Variants in ERBB4 observed in about 807,000 individuals in gnomAD.
ERBB4 encodes erb-b2 receptor tyrosine kinase 4.
Under a neutral mutation model 158.0 loss-of-function variants are expected in ERBB4, and 42 were observed. The ratio of observed to expected loss-of-function variants is 0.27; its 90% CI spans 0.21 to 0.34. The LOEUF is 0.34. Ranked by LOEUF, ERBB4 falls within the 10% of genes least tolerant of loss-of-function variation. The probability of loss-of-function intolerance (pLI) is 1.00; values close to 1 mark genes in which losing one functional copy is unlikely to be tolerated. For synonymous variants in ERBB4, 583 were observed against 558.7 expected, an observed-to-expected ratio of 1.04 and a Z score of -0.61; for missense variants, 1,333 against 1,624.1, an observed-to-expected ratio of 0.82 and a Z score of 3.08.
Position 212,538,562 on chromosome 2 carries a change from T to G in ERBB4, c.-32A>C. ...GAAGTCTCAGATCCCGTGCTGACAA[T>G]TACATGTCCAAATGGCATATCCCCC... On this transcript the variant is annotated 5_prime_UTR_variant, in exon 1 of 28. The change abolishes the stop of an existing upstream ORF in the 5' untranslated region. Coordinates refer to ENST00000342788, the MANE Select transcript of ERBB4 (RefSeq NM_005235.3). 6.3e-7 allele frequency: 1 copy of G among 1,595,588 alleles called. No individual in the cohort carries two copies. Among genetic ancestry groups the G allele is most frequent in the South Asian group, 1.1e-5 (1 of 90,708 alleles).
chr2:212,022,640 C>T (rs561103111), intron 2 of ERBB4, among the ~76,000 whole-genome samples: 4 of 152,112 alleles, frequency 2.6e-5, no homozygotes, highest in African/African-American at 9.6e-5. Context: ...CACACATTTA[C>T]CTATGTAACA....
intron 16 of ERBB4, among the ~76,000 whole-genome samples, chr2:211,642,655 CAT>C (rs1490148028): frequency 4.6e-5 from 7 of 152,114 alleles, no homozygotes; most frequent in Non-Finnish European, 8.8e-5. Flanking sequence ...CAAACACTTT[CAT>C]ATGTTTTAGA....
chr2:212,263,881 T>C (rs2085034942), intron 1 of ERBB4, among the ~76,000 whole-genome samples: 1 of 151,828 alleles, frequency 6.6e-6, no homozygotes, highest in Non-Finnish European at 1.5e-5. Context: ...AATAATAATA[T>C]TAAATATTAA....
At chr2:212,241,201 G>A (rs1336833764) in intron 1 of ERBB4, among the ~76,000 whole-genome samples, 2 of 151,926 alleles carry the variant, frequency 1.3e-5, no homozygotes, top group Non-Finnish European at 2.9e-5. Flanking sequence ...AGGCTGCAGC[G>A]GGCTATGATC....
At chr2:212,325,872 T>C (rs1421547407) in intron 1 of ERBB4, among the ~76,000 whole-genome samples, 2 of 150,628 alleles carry the variant, frequency 1.3e-5, no homozygotes, top group Non-Finnish European at 3.0e-5. Context: ...ATTTTTTCCA[T>C]ATTATTTTCC....
intron 1 of ERBB4, among the ~76,000 whole-genome samples, chr2:212,241,012 G>T (rs1489328871): frequency 6.6e-6 from 1 of 152,116 alleles, no homozygotes; most frequent in African/African-American, 2.4e-5. Context: ...GCATTTGAAT[G>T]CTTTCTTGAA....
At chr2:211,485,713 TG>T (rs1328009932) in intron 20 of ERBB4, among the ~76,000 whole-genome samples, 1 of 105,460 alleles carries the variant, frequency 9.5e-6, no homozygotes, top group Non-Finnish European at 1.9e-5. Context: ...CTCAGTGGGG[TG>T]GGGGGAGGGG....
At chr2:212,172,412 GGGAATATACCC>G (rs2081545371) in intron 1 of ERBB4, among the ~76,000 whole-genome samples, 1 of 152,100 alleles carries the variant, frequency 6.6e-6, no homozygotes. Context: ...TCCCATTACT[GGGAATATACCC>G]AAAGGACTAT....
intron 19 of ERBB4, among the ~76,000 whole-genome samples, chr2:211,613,875 C>G (rs1559349304): frequency 6.6e-6 from 1 of 151,980 alleles, no homozygotes; most frequent in East Asian, 1.9e-4. Flanking sequence ...CCTCAAAAAA[C>G]TAAAAATTGA....
chr2:211,714,742 T>G (rs749516027), intron 7 of ERBB4, among the ~76,000 whole-genome samples: 6 of 152,188 alleles, frequency 3.9e-5, no homozygotes, highest in Non-Finnish European at 8.8e-5. Context: ...TTGCCTATCA[T>G]GAACAGGGTT....
rs1553575753 is a variant in ERBB4 at position 211,580,801 on chromosome 2, T to TATA, written c.2302-18716_2302-18714dup. ...AAAGAAATTGTGATATATATATATA[T>TATA]ATATATATATAATATATATATATTA... On this transcript the variant is annotated intron_variant, in intron 19 of 27. Coordinates refer to ENST00000342788, the MANE Select transcript of ERBB4 (RefSeq NM_005235.3). Among the ~76,000 whole-genome samples, 10 of 28,466 alleles carry TATA rather than the reference T, an allele frequency of 3.5e-4. No homozygotes were observed. The South Asian group carries it at 5.6e-3, about 16-fold the overall frequency. 18.7% of individuals were successfully genotyped at this position (28,466 alleles called of 152,430 possible).
intron 1 of ERBB4, among the ~76,000 whole-genome samples, chr2:212,234,053 G>T (rs2083762840): frequency 6.6e-6 from 1 of 151,298 alleles, no homozygotes; most frequent in African/African-American, 2.4e-5. Context: ...TGTTACATAG[G>T]TATACACATG....
chr2:212,017,457 T>A (rs2076554112), intron 2 of ERBB4, among the ~76,000 whole-genome samples: 1 of 152,080 alleles, frequency 6.6e-6, no homozygotes, highest in Admixed American at 6.5e-5. Context: ...CCCTGGAACA[T>A]AATGTAATAA....
intron 1 of ERBB4, among the ~76,000 whole-genome samples, chr2:212,244,943 G>T (rs2084256115): frequency 2.6e-5 from 4 of 152,082 alleles, no homozygotes; most frequent in Admixed American, 2.6e-4. Context: ...ACAACCCAAT[G>T]AAGTTGGGTT....
At chr2:211,858,580 C>T (rs551672165) in intron 3 of ERBB4, among the ~76,000 whole-genome samples, 1 of 117,628 alleles carries the variant, frequency 8.5e-6, no homozygotes, top group African/African-American at 3.0e-5. Context: ...AATCATGGCT[C>T]ACAAAAAGCC....
intron 20 of ERBB4, among the ~76,000 whole-genome samples, chr2:211,436,547 G>A (rs916979156): frequency 9.9e-5 from 15 of 152,260 alleles, no homozygotes; most frequent in Admixed American, 9.8e-4. Context: ...ATAGCAATTG[G>A]CATATAGTAA....
intron 1 of ERBB4, among the ~76,000 whole-genome samples, chr2:212,243,944 G>T (rs1248835288): frequency 6.6e-6 from 1 of 152,098 alleles, no homozygotes; most frequent in East Asian, 1.9e-4. Flanking sequence ...ATGAGGAAAG[G>T]TGTACTTTGA....
intron 16 of ERBB4, among the ~76,000 whole-genome samples, chr2:211,652,819 T>C (rs1196137850): frequency 2.6e-5 from 4 of 152,190 alleles, no homozygotes; most frequent in Non-Finnish European, 4.4e-5. Context: ...GTTTTAATGA[T>C]TTCACAAATT....
At chr2:212,106,035 C>T (rs1465225381) in intron 2 of ERBB4, among the ~76,000 whole-genome samples, 3 of 152,170 alleles carry the variant, frequency 2.0e-5, no homozygotes, top group Non-Finnish European at 4.4e-5. Context: ...TACACAGTCT[C>T]AGGTATATCT....
Sources: gnomAD v4.1 joint callset for allele counts (sites outside exome capture counted in the v4.1 genomes callset) on GRCh38, gnomAD v4.1.1 for gene constraint, MANE v1.5 for transcripts, NCBI Gene and HGNC (gene_info 2026-07-23, HGNC 2026-07-21) for gene names.